Variants in DENND1B observed in about 807,000 individuals in gnomAD.
The protein encoded by DENND1B is DENN domain containing 1B.
In DENND1B, 59 loss-of-function variants were observed where a neutral mutation model predicts 90.1. The ratio of observed to expected loss-of-function variants is 0.65; its 90% confidence interval spans 0.53 to 0.81. DENND1B has a LOEUF of 0.81. Among genes scored for constraint, DENND1B ranks in the 40% least tolerant of loss-of-function variants. The probability of loss-of-function intolerance (pLI) is 0.00; values close to 1 mark genes in which losing one functional copy is unlikely to be tolerated. For synonymous variants in DENND1B, 337 were observed against 324.6 expected, an observed-to-expected ratio of 1.04 and a Z score of -0.41; for missense variants, 862 against 912.6, an observed-to-expected ratio of 0.94 and a Z score of 0.71.
the DENND1B span, among the ~76,000 whole-genome samples, chr1:197,780,704 A>G: frequency 6.6e-6 from 1 of 152,290 alleles, no homozygotes; most frequent in African/African-American, 2.4e-5. Context: ...GCTTTTAAAA[A>G]TACTTAATTC....
In DENND1B at chr1:197,528,858, CA is replaced by C. The variant is rs5779876; in HGVS notation, c.1515+11105del. On this transcript the variant is annotated intron_variant, in intron 20 of 22. Coordinates refer to ENST00000620048, the MANE Select transcript of DENND1B (RefSeq NM_001195215.2). Reference sequence around the variant, plus strand: ...CTGGGTGACAGAGCGAGACTCATCTCAAAAAAAAAAAAAAATTCTTATTTGT... The same window carrying C: ...CTGGGTGACAGAGCGAGACTCATCTCAAAAAAAAAAAAAATTCTTATTTGT... 5.3e-3 allele frequency among the ~76,000 whole-genome samples: 719 copies of C among 135,920 alleles called. 3 individuals are homozygous for C. The highest frequency in any genetic ancestry group is 0.017 in the African/African-American group (566 of 34,212). 89.2% of individuals were successfully genotyped at this position (135,920 alleles called of 152,430 possible).
chr1:197,679,698 G>A (rs970561247), intron 3 of DENND1B, among the ~76,000 whole-genome samples: 3 of 149,956 alleles, frequency 2.0e-5, no homozygotes, highest in Non-Finnish European at 4.4e-5. Context: ...CAAGACAAGT[G>A]GTGTGCTTGG....
At chr1:197,598,884 C>T (rs1470794498) in intron 13 of DENND1B, among the ~76,000 whole-genome samples, 1 of 151,718 alleles carries the variant, frequency 6.6e-6, no homozygotes, top group Non-Finnish European at 1.5e-5. Context: ...GGATAGATCA[C>T]AAACGAAAAG....
chr1:197,566,439 A>G (rs1672676903), intron 15 of DENND1B, among the ~76,000 whole-genome samples: 1 of 152,064 alleles, frequency 6.6e-6, no homozygotes. Flanking sequence ...ACCAAAACAG[A>G]GATATAGATC....
chr1:197,701,541 C>T (rs1659029200), intron 3 of DENND1B, among the ~76,000 whole-genome samples: 1 of 151,544 alleles, frequency 6.6e-6, no homozygotes, highest in African/African-American at 2.4e-5. Context: ...CTTGTATCCC[C>T]CCCTTCCCCG....
intron 13 of DENND1B, among the ~76,000 whole-genome samples, chr1:197,601,420 T>G (rs1052495238): frequency 6.6e-6 from 1 of 151,582 alleles, no homozygotes; most frequent in Non-Finnish European, 1.5e-5. Flanking sequence ...GTGCTCACAA[T>G]ATTACACACA....
intron 1 of DENND1B, chr1:197,774,587 T>C (rs1331102436): frequency 1.3e-5 from 2 of 152,316 alleles, no homozygotes; most frequent in African/African-American, 4.8e-5. Context: ...CATCTACAGT[T>C]GCTGCATAAA....
chr1:197,618,940 T>C (rs1677902604), intron 10 of DENND1B, among the ~76,000 whole-genome samples: 1 of 151,234 alleles, frequency 6.6e-6, no homozygotes, highest in East Asian at 1.9e-4. Flanking sequence ...TATGTTTAAG[T>C]GCAAAATAGA....
chr1:197,775,118 C>T, intron 1 of DENND1B, 21 bp downstream of exon 1: 17 of 1,272,620 alleles, frequency 1.3e-5, no homozygotes, highest in South Asian at 2.9e-5. Context: ...GCCCCCGACG[C>T]GCCCGGGCCC....
chr1:197,729,679 C>T (rs1370679237), intron 2 of DENND1B, among the ~76,000 whole-genome samples: 7 of 152,110 alleles, frequency 4.6e-5, no homozygotes, highest in South Asian at 2.1e-4. Flanking sequence ...TTGCCACTGA[C>T]GTGTTTTTAG....
chr1:197,526,354 T>C (rs1332513529), intron 20 of DENND1B, among the ~76,000 whole-genome samples: 1 of 152,066 alleles, frequency 6.6e-6, no homozygotes, highest in East Asian at 1.9e-4. Context: ...ACAATAATAA[T>C]TTGTTTACAA....
At chr1:197,593,958 G>A (rs532404188) in intron 14 of DENND1B, among the ~76,000 whole-genome samples, 6 of 151,910 alleles carry the variant, frequency 3.9e-5, no homozygotes, top group Admixed American at 1.3e-4. Flanking sequence ...ATTCAAATAC[G>A]AATATGCCCT....
At chr1:197,699,757 T>C (rs1249383865) in intron 3 of DENND1B, among the ~76,000 whole-genome samples, 2 of 151,838 alleles carry the variant, frequency 1.3e-5, no homozygotes, top group Non-Finnish European at 2.9e-5. Flanking sequence ...AAAGTATTCC[T>C]TTACAAACTA....
chr1:197,726,321 T>C (rs115893483), intron 2 of DENND1B, among the ~76,000 whole-genome samples: 3,173 of 152,234 alleles, frequency 0.021, 52 homozygotes, highest in Middle Eastern at 0.061. Flanking sequence ...AACTTCAACA[T>C]AGATGATGAG....
chr1:197,530,662 T>A (rs1669549962), intron 20 of DENND1B, among the ~76,000 whole-genome samples: 1 of 152,102 alleles, frequency 6.6e-6, no homozygotes, highest in African/African-American at 2.4e-5. Flanking sequence ...AAGAGAGAAA[T>A]CAGATGGTGC....
chr1:197,580,357 C>G (rs758515075), intron 15 of DENND1B, among the ~76,000 whole-genome samples: 12 of 151,320 alleles, frequency 7.9e-5, no homozygotes, highest in African/African-American at 1.2e-4. Flanking sequence ...CTCGGTCTCC[C>G]AGAGTGCTGG....
At chr1:197,592,460 T>C (rs577554020) in intron 14 of DENND1B, among the ~76,000 whole-genome samples, 63 of 152,290 alleles carry the variant, frequency 4.1e-4, no homozygotes, top group African/African-American at 1.5e-3. Context: ...ACAAATCATA[T>C]ATGAATAAGG....
intron 3 of DENND1B, among the ~76,000 whole-genome samples, chr1:197,695,873 G>A (rs564042440): frequency 6.6e-6 from 1 of 150,926 alleles, no homozygotes; most frequent in Non-Finnish European, 1.5e-5. Flanking sequence ...CAAAATTATA[G>A]AATACTCAAT....
intron 15 of DENND1B, among the ~76,000 whole-genome samples, chr1:197,567,626 A>G (rs1672788291): frequency 6.6e-6 from 1 of 152,152 alleles, no homozygotes; most frequent in Non-Finnish European, 1.5e-5. Flanking sequence ...AGTGTTTTAA[A>G]AGGATTATCC....
Sources: allele counts gnomAD v4.1 joint callset (sites outside exome capture counted in the v4.1 genomes callset), GRCh38; gene constraint gnomAD v4.1.1; transcripts MANE v1.5; gene names NCBI Gene and HGNC (gene_info 2026-07-23, HGNC 2026-07-21).